The following GDAP2 variants were observed in gnomAD, a reference collection of about 807,000 sequenced individuals.
GDAP2 encodes the protein ganglioside induced differentiation associated protein 2.
Under a neutral mutation model 67.0 loss-of-function variants are expected in GDAP2, and 51 were observed. The observed-to-expected ratio is 0.76, with a 90% CI of 0.61 to 0.96. The LOEUF is 0.96. GDAP2 is among the 40% of genes least tolerant of loss of function. The probability of loss-of-function intolerance (pLI) is 0.00; values close to 1 mark genes in which losing one functional copy is unlikely to be tolerated. For synonymous variants in GDAP2, 203 were observed against 207.3 expected (o/e 0.98, Z 0.18); for missense variants, 547 against 588.3 (o/e 0.93, Z 0.73).
chr1:117,879,414 C>T (rs780511329), intron 12 of GDAP2, among the ~76,000 whole-genome samples: 9 of 151,438 alleles, frequency 5.9e-5, no homozygotes, highest in Non-Finnish European at 8.8e-5. Flanking sequence ...CTATAAGATG[C>T]CTAAGTAGAG....
intron 13 of GDAP2, 186 bp downstream of exon 13, chr1:117,877,823 C>T (rs1648515690): frequency 1.6e-6 from 2 of 1,264,398 alleles, no homozygotes; most frequent in South Asian, 6.5e-5. Flanking sequence ...AAATGCCTCT[C>T]TTGGGACAAA....
At position 117,887,739 on chromosome 1, in the gene GDAP2, T is replaced by A; in HGVS notation, c.989A>T (p.Asp330Val). Residue 330 changes from aspartate to valine, a missense_variant, in exon 9 of 14, where the codon GAT becomes GTT. Physicochemically the swap from Asp to Val is radical, Grantham distance 152. Coordinates refer to ENST00000369443, the MANE Select transcript of GDAP2 (RefSeq NM_017686.4). The part of the protein sequence containing the change: ...NRWLCQARSE[D>V]LSDIASLKAL... ...TTTTAGAGAAGCAATATCAGACAGA[T>A]CCTCAGATCTTGCTTGACATAACCA... 6.3e-7 allele frequency: 1 copy of A among 1,580,304 alleles called. No homozygotes were observed. The highest frequency in any genetic ancestry group is 8.7e-7 in the Non-Finnish European group (1 of 1,149,840).
intron 12 of GDAP2, among the ~76,000 whole-genome samples, chr1:117,879,862 C>T (rs1448484052): frequency 6.6e-6 from 1 of 151,918 alleles, no homozygotes; most frequent in Non-Finnish European, 1.5e-5. Flanking sequence ...TGGAGAAACA[C>T]GGGAACACTA....
intron 8 of GDAP2, among the ~76,000 whole-genome samples, chr1:117,893,628 T>G (rs1464598866): frequency 6.6e-6 from 1 of 152,152 alleles, no homozygotes; most frequent in Non-Finnish European, 1.5e-5. Context: ...AAGCCCGATT[T>G]AGAAATATCA....
At chr1:117,886,120 C>A (rs1648843906) in intron 10 of GDAP2, among the ~76,000 whole-genome samples, 1 of 152,082 alleles carries the variant, frequency 6.6e-6, no homozygotes, top group Non-Finnish European at 1.5e-5. Context: ...CCAGTTATAA[C>A]CATTTTTCTT....
At chr1:117,909,957 T>A (rs1348120180) in intron 5 of GDAP2, among the ~76,000 whole-genome samples, 1 of 152,066 alleles carries the variant, frequency 6.6e-6, no homozygotes, top group Non-Finnish European at 1.5e-5. Flanking sequence ...TAATAAAAAA[T>A]AGATATATAA....
intron 5 of GDAP2, among the ~76,000 whole-genome samples, chr1:117,909,051 T>G (rs1213823596): frequency 1.3e-5 from 2 of 152,008 alleles, no homozygotes; most frequent in Non-Finnish European, 2.9e-5. Flanking sequence ...ATGTCATGAC[T>G]CTAAGGTTTT....
At chr1:117,887,301 A>G (rs1648892242) in intron 9 of GDAP2, among the ~76,000 whole-genome samples, 1 of 152,128 alleles carries the variant, frequency 6.6e-6, no homozygotes, top group Non-Finnish European at 1.5e-5. Flanking sequence ...ACTAAATAGC[A>G]CTCAAATCTG....
In GDAP2 at chr1:117,878,110, T is replaced by A; in HGVS notation, c.1345A>T (p.Lys449Ter). The A allele has an allele frequency of 1.2e-6, 2 of 1,609,942 alleles. No homozygotes were observed. Among genetic ancestry groups the A allele is most frequent in the Non-Finnish European group, 1.7e-6 (2 of 1,177,444 alleles). The part of the protein sequence containing the change: ...FFTTFSVSGL[K>*]DKIHHVDSLH... ...CTGTCCACATGGTGGATTTTGTCCTTCAGTCCTGAGACAGAAAAGGTGGTA... is the reference window on the plus strand; with the variant it reads ...CTGTCCACATGGTGGATTTTGTCCTACAGTCCTGAGACAGAAAAGGTGGTA... The change falls in exon 13 of 14, where the codon AAG becomes TAG. Residue 449 changes from lysine to a stop codon, truncating the protein, a stop_gained. Transcript: ENST00000369443. LOFTEE classifies it high-confidence loss of function.
At chr1:117,927,712 T>G (rs139822154) in intron 1 of GDAP2, among the ~76,000 whole-genome samples, 175 of 152,342 alleles carry the variant, frequency 1.1e-3, no homozygotes, top group African/African-American at 4.0e-3. Context: ...ATTGGAAGAC[T>G]AACTGAAGTA....
chr1:117,923,473 A>G (rs551450776), intron 1 of GDAP2, among the ~76,000 whole-genome samples: 2 of 152,386 alleles, frequency 1.3e-5, no homozygotes, highest in South Asian at 4.1e-4. Context: ...CCATGGCTTC[A>G]GCCAGTCCCT....
At position 117,918,641 on chromosome 1, in the gene GDAP2, A is replaced by T; in HGVS notation, c.272T>A (p.Met91Lys). 6.2e-7 allele frequency: 1 copy of T among 1,610,556 alleles called. No individual in the cohort carries two copies. The highest frequency in any genetic ancestry group is 2.2e-5 in the East Asian group (1 of 44,824). ...TTCCTTCAAATCAGGCCCTGCAAGC[A>T]TGAAGATACTTTCTGACACAGGATT... ...DKNPVSESIF[M>K]LAGPDLKEDL... Residue 91 changes from methionine (M) to lysine (K), a missense_variant, in exon 3 of 14, where the codon ATG becomes AAG. Transcript: ENST00000369443.
At chr1:117,927,473 A>C (rs1419913084) in intron 1 of GDAP2, among the ~76,000 whole-genome samples, 1 of 152,202 alleles carries the variant, frequency 6.6e-6, no homozygotes, top group Admixed American at 6.5e-5. Context: ...CATTGATCAG[A>C]CCAGCCTGGA....
intron 13 of GDAP2, chr1:117,877,081 T>A (rs1648482432): frequency 6.5e-6 from 1 of 154,474 alleles, no homozygotes; most frequent in Non-Finnish European, 1.4e-5. Context: ...GTATCTATGA[T>A]CCAGCTGCTC....
intron 1 of GDAP2, among the ~76,000 whole-genome samples, chr1:117,925,109 A>AT (rs1360029819): frequency 6.6e-6 from 1 of 152,192 alleles, no homozygotes; most frequent in Non-Finnish European, 1.5e-5. Context: ...CTTTTTTAAG[A>AT]TAACTTTTCT....
chr1:117,888,320 G>C (rs993751901), intron 8 of GDAP2, among the ~76,000 whole-genome samples: 2 of 152,236 alleles, frequency 1.3e-5, no homozygotes, highest in Middle Eastern at 3.4e-3. Flanking sequence ...ATTTATCTGG[G>C]AAGTCCTGGA....
Position 117,868,257 on chromosome 1 carries a change from A to G in GDAP2, c.*2312T>C, listed in dbSNP as rs770593662. The stretch of plus-strand genomic sequence containing the variant: ...TCATTCTATAACACTTTAGACATCT[A>G]TAAAAGCATGAACTTGGTCCCACAT... On this transcript the variant is annotated 3_prime_UTR_variant, in exon 14 of 14. Transcript: ENST00000369443. 2.1e-4 allele frequency: 32 copies of G among 152,226 alleles called. No homozygotes were observed. The highest frequency in any genetic ancestry group is 1.3e-3 in the Admixed American group (20 of 15,282). The allele number at this position is 152,226 out of a possible 1,614,324, so 9.4% of individuals were successfully genotyped here. A position where few individuals can be genotyped will look rare whatever the true frequency, so the allele number is the denominator to read the frequency against.
At chr1:117,887,862 C>T in intron 8 of GDAP2, 88 bp from the exon 9 acceptor site, 1 of 748,774 alleles carries the variant, frequency 1.3e-6, no homozygotes, top group Non-Finnish European at 2.3e-6. Context: ...CTTCCCTGAC[C>T]CTAAAAATTT....
chr1:117,870,496 T>C lies in GDAP2; in HGVS notation c.*73A>G. ...TCTGGATCTGTACAGCAACAATGAA[T>C]ATCACTTCAACAGGTAGCTATTCGT... On this transcript the variant is annotated 3_prime_UTR_variant, in exon 14 of 14. Transcript: ENST00000369443. 1 of 919,544 alleles carries C rather than the reference T, an allele frequency of 1.1e-6. No homozygotes were observed. The highest frequency in any genetic ancestry group is 1.8e-6 in the Non-Finnish European group (1 of 546,898). 57.0% of individuals were successfully genotyped at this position (919,544 alleles called of 1,614,324 possible).
Sources: gnomAD v4.1 joint callset for allele counts (sites outside exome capture counted in the v4.1 genomes callset) on GRCh38, gnomAD v4.1.1 for gene constraint, MANE v1.5 for transcripts, NCBI Gene and HGNC (gene_info 2026-07-23, HGNC 2026-07-21) for gene names.